The following TMEM132D variants were observed in gnomAD, a reference collection of about 807,000 sequenced individuals.
TMEM132D encodes the protein mature OL transmembrane protein.
In TMEM132D, 21 loss-of-function variants were observed where a neutral mutation model predicts 62.3. The ratio of observed to expected loss-of-function variants is 0.34; its 90% CI spans 0.24 to 0.49. The LOEUF (loss-of-function observed/expected upper bound fraction) is 0.49. Ranked by LOEUF, TMEM132D falls within the 20% of genes least tolerant of loss-of-function variation. The probability of loss-of-function intolerance (pLI) is 0.99; values close to 1 mark genes in which losing one functional copy is unlikely to be tolerated. For synonymous variants in TMEM132D, 621 were observed against 575.6 expected (o/e 1.08, Z -1.13); for missense variants, 1,346 against 1,402.8 (o/e 0.96, Z 0.65).
intron 4 of TMEM132D, among the ~76,000 whole-genome samples, chr12:129,303,687 G>A (rs1881774261): frequency 6.6e-6 from 1 of 152,186 alleles, no homozygotes; most frequent in South Asian, 2.1e-4. Flanking sequence ...ACACAGATGT[G>A]TACGAGAAGA....
chr12:129,076,204 T>C (rs2135607427), intron 8 of TMEM132D, among the ~76,000 whole-genome samples: 2 of 152,310 alleles, frequency 1.3e-5, no homozygotes, highest in Middle Eastern at 6.8e-3. Flanking sequence ...TGATGGACTA[T>C]GTATAAGCAA....
chr12:129,798,910 A>G (rs1871650667), intron 1 of TMEM132D, among the ~76,000 whole-genome samples: 1 of 152,238 alleles, frequency 6.6e-6, no homozygotes. Context: ...TGGTATGCAC[A>G]AGATTTCAAA....
At chr12:129,284,505 T>G (rs768429496) in intron 4 of TMEM132D, among the ~76,000 whole-genome samples, 2 of 152,244 alleles carry the variant, frequency 1.3e-5, no homozygotes, top group African/African-American at 2.4e-5. Context: ...ACACTGGCCT[T>G]CAGTGTAAGA....
chr12:129,241,166 A>G (rs1043440424), intron 4 of TMEM132D, among the ~76,000 whole-genome samples: 1 of 151,580 alleles, frequency 6.6e-6, no homozygotes, highest in African/African-American at 2.4e-5. Flanking sequence ...AAAAAAAAAA[A>G]AAAAGGAAAG....
chr12:129,518,177 CAT>C (rs61165305), intron 3 of TMEM132D, among the ~76,000 whole-genome samples: 36,555 of 151,976 alleles, frequency 0.24, 5,224 homozygotes, highest in Non-Finnish European at 0.32. Flanking sequence ...GAAGGAAATG[CAT>C]AGTTTTTCTG....
chr12:129,699,925 G>A lies in TMEM132D; in HGVS notation c.853C>T (p.Arg285Cys), dbSNP rs757165933. The stretch of plus-strand genomic sequence containing the variant: ...TGGATGGCCACGCTGTTGTCCAGAC[G>A]CAGTTCTCTCAGGGAGGGTTTCCTG... The part of the protein sequence containing the change: ...THRKPSLREL[R>C]LDNSVAIHYI... The change falls in exon 2 of 9, where the codon CGT (arginine) becomes TGT (cysteine). Residue 285 changes from arginine (R) to cysteine (C), a missense_variant. Arg to Cys is a radical substitution (Grantham distance 180). Coordinates refer to ENST00000422113, the MANE Select transcript of TMEM132D (RefSeq NM_133448.3). 1 of 1,614,140 alleles carries A rather than the reference G, an allele frequency of 6.2e-7. No homozygotes were observed. Among genetic ancestry groups the A allele is most frequent in the East Asian group, 2.2e-5 (1 of 44,876 alleles).
chr12:129,470,864 G>A (rs900981590), intron 3 of TMEM132D, among the ~76,000 whole-genome samples: 39 of 152,240 alleles, frequency 2.6e-4, no homozygotes, highest in African/African-American at 9.1e-4. Flanking sequence ...AGGTAACCAG[G>A]ATGGGCTATG....
chr12:129,896,096 A>C (rs191266700), intron 1 of TMEM132D, among the ~76,000 whole-genome samples: 208 of 151,750 alleles, frequency 1.4e-3, no homozygotes, highest in African/African-American at 4.8e-3. Flanking sequence ...TAGCCTCCAG[A>C]GTAGCTGGGA....
chr12:129,429,214 T>C (rs777701742), intron 3 of TMEM132D, among the ~76,000 whole-genome samples: 1 of 152,224 alleles, frequency 6.6e-6, no homozygotes, highest in Non-Finnish European at 1.5e-5. Context: ...CCTGACCAAG[T>C]AGTTGTGGAT....
intron 2 of TMEM132D, among the ~76,000 whole-genome samples, chr12:129,535,252 G>C (rs1876348285): frequency 6.6e-6 from 1 of 152,232 alleles, no homozygotes; most frequent in Admixed American, 6.5e-5. Context: ...GGTGGGCACT[G>C]CATGCCCAAA....
chr12:129,615,857 G>A (rs558188578), intron 2 of TMEM132D, among the ~76,000 whole-genome samples: 7 of 149,980 alleles, frequency 4.7e-5, no homozygotes, highest in Non-Finnish European at 1.0e-4. Flanking sequence ...AGATAGCTGT[G>A]AGAACACAGA....
chr12:129,311,937 T>C (rs575275185), intron 4 of TMEM132D, among the ~76,000 whole-genome samples: 5 of 152,228 alleles, frequency 3.3e-5, no homozygotes, highest in Admixed American at 3.3e-4. Flanking sequence ...TCCTTGGGCC[T>C]CAGTAAGCAC....
chr12:129,706,434 A>G (rs181417055), intron 1 of TMEM132D, among the ~76,000 whole-genome samples: 134 of 152,144 alleles, frequency 8.8e-4, no homozygotes, highest in Non-Finnish European at 1.7e-3. Flanking sequence ...ACAATTCACA[A>G]TGCATAAATA....
At chr12:129,812,791 GC>G (rs1338357412) in intron 1 of TMEM132D, among the ~76,000 whole-genome samples, 2 of 151,432 alleles carry the variant, frequency 1.3e-5, no homozygotes, top group South Asian at 2.1e-4. Flanking sequence ...CCAAGATGTG[GC>G]CCCCCTTAAC....
intron 2 of TMEM132D, among the ~76,000 whole-genome samples, chr12:129,564,258 C>A (rs1277055069): frequency 6.6e-6 from 1 of 152,174 alleles, no homozygotes; most frequent in African/African-American, 2.4e-5. Flanking sequence ...CTTGTCAAGT[C>A]TATTAAAACA....
At chr12:129,242,539 A>T (rs1879964479) in intron 4 of TMEM132D, among the ~76,000 whole-genome samples, 1 of 152,126 alleles carries the variant, frequency 6.6e-6, no homozygotes, top group Admixed American at 6.5e-5. Flanking sequence ...CCCTGACAAC[A>T]CTGGTCTTTT....
chr12:129,876,086 A>G (rs548911841), intron 1 of TMEM132D, among the ~76,000 whole-genome samples: 4 of 152,316 alleles, frequency 2.6e-5, no homozygotes, highest in Non-Finnish European at 5.9e-5. Flanking sequence ...CTGGTCTCCA[A>G]TAGCTCACTA....
chr12:129,495,702 C>T (rs1434890161), intron 3 of TMEM132D, among the ~76,000 whole-genome samples: 3 of 152,118 alleles, frequency 2.0e-5, no homozygotes, highest in African/African-American at 7.2e-5. Context: ...TGTCACAAGC[C>T]TAAGACAATG....
At chr12:129,450,643 T>C (rs1353675118) in intron 3 of TMEM132D, among the ~76,000 whole-genome samples, 1 of 152,122 alleles carries the variant, frequency 6.6e-6, no homozygotes, top group African/African-American at 2.4e-5. Flanking sequence ...GAAACCAGGA[T>C]TTGCAAGTTC....
Sources: gnomAD v4.1 joint callset for allele counts (sites outside exome capture counted in the v4.1 genomes callset) on GRCh38, gnomAD v4.1.1 for gene constraint, MANE v1.5 for transcripts, NCBI Gene and HGNC (gene_info 2026-07-23, HGNC 2026-07-21) for gene names.